SLC5A7: variants seen among roughly 807,000 people sequenced by gnomAD.
SLC5A7 encodes solute carrier family 5 member 7, also known as high affinity choline transporter 1.
SLC5A7 carries 19 observed loss-of-function variants against 55.4 expected under a neutral mutation model. The observed-to-expected ratio is 0.34, with a 90% CI of 0.24 to 0.50. The LOEUF is 0.50. Among genes scored for constraint, SLC5A7 ranks in the 20% least tolerant of loss-of-function variants. The probability of loss-of-function intolerance (pLI) is 0.98; values close to 1 mark genes in which losing one functional copy is unlikely to be tolerated. For missense variants in SLC5A7, 506 were observed against 705.3 expected (o/e 0.72, Z 3.20); for synonymous variants, 265 against 263.7 (o/e 1.00, Z -0.05).
At chr2:108,005,432 G>A (rs546128400) in intron 6 of SLC5A7, among the ~76,000 whole-genome samples, 13 of 152,270 alleles carry the variant, frequency 8.5e-5, no homozygotes, top group Admixed American at 8.5e-4. Flanking sequence ...ATAACAAATT[G>A]AAGGCCTCTG....
chr2:107,996,477 T>C (rs1677674683), intron 4 of SLC5A7, among the ~76,000 whole-genome samples: 1 of 152,214 alleles, frequency 6.6e-6, no homozygotes, highest in Non-Finnish European at 1.5e-5. Context: ...CTCCAGTGGG[T>C]TGCATATACT....
rs1446985615 is a variant in SLC5A7 at position 108,010,437 on chromosome 2, T to A, written c.1319T>A (p.Val440Asp). ...ACCTATGGGGCCGTGGCAGGTTATG[T>A]TTCTGGCCTCTTCCTGAGAATAACT... ...TNTYGAVAGY[V>D]SGLFLRITGG... The change falls in exon 9 of 9, where the codon GTT becomes GAT. Residue 440 changes from valine to aspartate, a missense_variant. Transcript: ENST00000264047. The A allele has an allele frequency of 6.2e-7, 1 of 1,613,844 alleles. No individual in the cohort carries two copies. The highest frequency in any genetic ancestry group is 8.5e-7 in the Non-Finnish European group (1 of 1,179,930).
Position 108,001,970 on chromosome 2 carries a change from A to G in SLC5A7, c.671A>G (p.Tyr224Cys). The change falls in exon 6 of 9, where the codon TAC (tyrosine) becomes TGC (cysteine). Residue 224 changes from tyrosine to cysteine, a missense_variant. Tyr to Cys is a radical substitution (Grantham distance 194, BLOSUM62 -2). Coordinates refer to ENST00000264047, the MANE Select transcript of SLC5A7 (RefSeq NM_021815.5). ...DIGFTAVHAK[Y>C]QKPWLGTVDS... ...GGGTTCACTGCTGTGCATGCCAAAT[A>G]CCAAAAGCCGTGGCTGGGAACTGTT... 6.2e-7 allele frequency: 1 copy of G among 1,614,200 alleles called. No homozygotes were observed. Among genetic ancestry groups the G allele is most frequent in the East Asian group, 2.2e-5 (1 of 44,884 alleles).
At position 108,010,452 on chromosome 2, in the gene SLC5A7, T is replaced by C; in HGVS notation, c.1334T>C (p.Leu445Pro). Residue 445 changes from leucine (L) to proline (P), a missense_variant, in exon 9 of 9, where the codon CTG becomes CCG. Transcript: ENST00000264047. ...GCAGGTTATGTTTCTGGCCTCTTCC[T>C]GAGAATAACTGGAGGGGAGCCATAT... is the stretch of plus-strand genomic sequence containing the variant. ...AVAGYVSGLFLRITGGEPYLY... is the reference protein window; with the variant it reads ...AVAGYVSGLFPRITGGEPYLY... 1.9e-6 allele frequency: 3 copies of C among 1,613,840 alleles called. No homozygotes were observed. Among genetic ancestry groups the C allele is most frequent in the Non-Finnish European group, 2.5e-6 (3 of 1,179,852 alleles).
chr2:108,010,802 G>A lies in SLC5A7; in HGVS notation c.1684G>A (p.Ala562Thr). The A allele has an allele frequency of 6.2e-7, 1 of 1,612,274 alleles. No individual in the cohort carries two copies. Among genetic ancestry groups the A allele is most frequent in the Non-Finnish European group, 8.5e-7 (1 of 1,179,598 alleles). ...CAGCTCAACTTTCACCAATAAAGAGGCCTTCCTTGATGTTGATTCCAGTCC... is the reference window on the plus strand; with the variant it reads ...CAGCTCAACTTTCACCAATAAAGAGACCTTCCTTGATGTTGATTCCAGTCC... ...TLSSTFTNKE[A>T]FLDVDSSPEG... The change falls in exon 9 of 9, where the codon GCC (alanine) becomes ACC (threonine). Residue 562 changes from alanine (A) to threonine (T), a missense_variant. Ala to Thr is a moderately conservative substitution (Grantham distance 58, BLOSUM62 0). This residue lies in a region of SLC5A7 where 137 missense variants were observed against 143.6 expected (regional missense o/e 0.95). Transcript: ENST00000264047.
chr2:107,992,924 T>C, intron 3 of SLC5A7, 48 bp from the exon 4 acceptor site: 1 of 1,589,032 alleles, frequency 6.3e-7, no homozygotes, highest in Non-Finnish European at 8.6e-7. Context: ...AAAAGACTAT[T>C]ATATTACATT....
chr2:107,996,269 G>A (rs2104350878), intron 4 of SLC5A7, among the ~76,000 whole-genome samples: 1 of 152,266 alleles, frequency 6.6e-6, no homozygotes, highest in South Asian at 2.1e-4. Context: ...CAATAACTCA[G>A]TCAGTTATCT....
chr2:108,009,143 A>G (rs1174188484), intron 8 of SLC5A7, among the ~76,000 whole-genome samples: 1 of 152,024 alleles, frequency 6.6e-6, no homozygotes, highest in African/African-American at 2.4e-5. Flanking sequence ...ATATCCTCTC[A>G]ATTTGATTTT....
intron 5 of SLC5A7, 92 bp downstream of exon 5, chr2:107,998,078 T>G (rs1677744360): frequency 3.8e-6 from 5 of 1,303,770 alleles, no homozygotes; most frequent in Non-Finnish European, 5.2e-6. Flanking sequence ...GAAATATTAT[T>G]TTCCCTCATG....
Position 107,986,775 on chromosome 2 carries a change from G to A in SLC5A7, c.-52+12G>A, listed in dbSNP as rs1677256098. 1 of 152,296 alleles carries A rather than the reference G, an allele frequency of 6.6e-6. No individual in the cohort carries two copies. The highest frequency in any genetic ancestry group is 2.4e-5 in the African/African-American group (1 of 41,450). The allele number at this position is 152,296 out of a possible 1,614,324, so 9.4% of individuals were successfully genotyped here. A position where few individuals can be genotyped will look rare whatever the true frequency, so the allele number is the denominator to read the frequency against. On this transcript the variant is annotated intron_variant, in intron 1 of 8. Coordinates refer to ENST00000264047, the MANE Select transcript of SLC5A7 (RefSeq NM_021815.5). ...AGCCACCACTCCAGGTAGGAGCGGA[G>A]CGGGCATTCCTGCGCCTACGGGCCC... is the stretch of plus-strand genomic sequence containing the variant.
chr2:108,010,085 AG>A, intron 8 of SLC5A7, 146 bp from the exon 9 acceptor site: 1 of 908,084 alleles, frequency 1.1e-6, no homozygotes, highest in Non-Finnish European at 1.6e-6. Context: ...TGGGTGCTGT[AG>A]CTGTAGTTGG....
At chr2:108,000,925 C>CTTTTTTT (rs1170263457) in intron 5 of SLC5A7, among the ~76,000 whole-genome samples, 7 of 112,500 alleles carry the variant, frequency 6.2e-5, no homozygotes, top group East Asian at 2.6e-4. Flanking sequence ...TAATACAATT[C>CTTTTTTT]TTTTTTTTTT....
At chr2:108,005,105 C>T (rs1678053265) in intron 6 of SLC5A7, among the ~76,000 whole-genome samples, 1 of 152,126 alleles carries the variant, frequency 6.6e-6, no homozygotes, top group Non-Finnish European at 1.5e-5. Flanking sequence ...AGCAACCATA[C>T]AATATTTAGG....
chr2:108,010,868 C>T lies in SLC5A7; in HGVS notation c.*7C>T, dbSNP rs201884081. ...TGAAGATAATTTACAGTGACCCCAT[C>T]TAAATAAAATACTGCTTTTGCAAAC... On this transcript the variant is annotated 3_prime_UTR_variant, in exon 9 of 9. Coordinates refer to ENST00000264047, the MANE Select transcript of SLC5A7 (RefSeq NM_021815.5). The T allele has an allele frequency of 6.4e-7, 1 of 1,555,682 alleles. No homozygotes were observed. The highest frequency in any genetic ancestry group is 1.4e-5 in the African/African-American group (1 of 72,426).
chr2:108,009,473 C>T (rs1050341119), intron 8 of SLC5A7, among the ~76,000 whole-genome samples: 2 of 151,976 alleles, frequency 1.3e-5, no homozygotes, highest in East Asian at 1.9e-4. Context: ...CCCCCCACGC[C>T]CCCCAACAGG....
chr2:108,008,054 G>A (rs1678187691), intron 7 of SLC5A7, among the ~76,000 whole-genome samples: 2 of 152,170 alleles, frequency 1.3e-5, no homozygotes, highest in South Asian at 4.1e-4. Context: ...GCTGAGAATA[G>A]CCCTACTATT....
At position 108,012,747 on chromosome 2, in the gene SLC5A7, T is replaced by C. The variant is rs1028130431; in HGVS notation, c.*1886T>C. 1 of 152,076 alleles carries C rather than the reference T, an allele frequency of 6.6e-6. No homozygotes were observed. The highest frequency in any genetic ancestry group is 1.5e-5 in the Non-Finnish European group (1 of 67,988). The allele number at this position is 152,076 out of a possible 1,614,324, so 9.4% of individuals were successfully genotyped here. A position where few individuals can be genotyped will look rare whatever the true frequency, so the allele number is the denominator to read the frequency against. On this transcript the variant is annotated 3_prime_UTR_variant, in exon 9 of 9. Coordinates refer to ENST00000264047, the MANE Select transcript of SLC5A7 (RefSeq NM_021815.5). ...GGAAGAAGTATATTTTTGGAACCAG[T>C]AAGTATGGGAGTCCACGATTCTCAG... is the stretch of plus-strand genomic sequence containing the variant.
chr2:107,988,445 ATTCT>A, intron 2 of SLC5A7, 112 bp downstream of exon 2: 1 of 835,536 alleles, frequency 1.2e-6, no homozygotes, highest in South Asian at 2.9e-5. Flanking sequence ...TCCTTTGGGG[ATTCT>A]TTATGTTCAC....
rs1677316125 is a variant in SLC5A7, at chr2:107,988,094, A to C, written c.-51-11A>C. On this transcript the variant is annotated splice_polypyrimidine_tract_variant and intron_variant, in intron 1 of 8. Coordinates refer to ENST00000264047, the MANE Select transcript of SLC5A7 (RefSeq NM_021815.5). ...TGACTGGTTTATAATGCATCCCTGT[A>C]TTTTCTTCAGAAGACTTAATGAAGT... 1 of 1,554,380 alleles carries C rather than the reference A, an allele frequency of 6.4e-7. No homozygotes were observed. Among genetic ancestry groups the C allele is most frequent in the Admixed American group, 1.7e-5 (1 of 57,648 alleles).
Sources: gnomAD v4.1 joint callset for allele counts (sites outside exome capture counted in the v4.1 genomes callset) on GRCh38, gnomAD v4.1.1 for gene constraint, gnomAD v4.1.1 regional missense constraint, MANE v1.5 for transcripts, NCBI Gene and HGNC (gene_info 2026-07-23, HGNC 2026-07-21) for gene names.